HDLBP: variants seen among roughly 807,000 people sequenced by gnomAD.
The protein encoded by HDLBP is high density lipoprotein binding protein, also known as vigilin.
A neutral mutation model predicts 137.3 loss-of-function variants in HDLBP; 30 were observed. The observed-to-expected ratio is 0.22, with a 90% CI of 0.16 to 0.30. The LOEUF (loss-of-function observed/expected upper bound fraction) is 0.30. Ranked by LOEUF, HDLBP falls within the 10% of genes least tolerant of loss-of-function variation. The pLI is 1.00. For synonymous variants in HDLBP, 606 were observed against 596.0 expected (o/e 1.02, Z -0.24); for missense variants, 1,119 against 1,667.3 (o/e 0.67, Z 5.73).
intron 1 of HDLBP, among the ~76,000 whole-genome samples, chr2:241,298,536 A>C (rs1013861604): frequency 1.3e-5 from 2 of 152,192 alleles, no homozygotes; most frequent in Non-Finnish European, 2.9e-5. Context: ...TGACATAAAT[A>C]AGCAAATTGA....
rs540059420 is a variant in HDLBP at position 241,311,402 on chromosome 2, A to G, written c.-103+4168T>C. 2.0e-5 allele frequency among the ~76,000 whole-genome samples: 3 copies of G among 152,328 alleles called. No homozygotes were observed. The South Asian group carries it at 6.2e-4, about 32-fold the overall frequency. ...AGGCAACTAGTGAAGGATGTGCTCC[A>G]TCGAAGTGAGACAGTCAAATCAAGA... On this transcript the variant is annotated intron_variant, in intron 1 of 27. Coordinates refer to ENST00000310931, the MANE Select transcript of HDLBP (RefSeq NM_005336.6).
At chr2:241,261,585 T>C (rs1008154636) in intron 5 of HDLBP, among the ~76,000 whole-genome samples, 1 of 152,194 alleles carries the variant, frequency 6.6e-6, no homozygotes, top group East Asian at 1.9e-4. Flanking sequence ...CCCTACAGTG[T>C]TGATTACAAA....
intron 1 of HDLBP, among the ~76,000 whole-genome samples, chr2:241,281,227 G>A (rs1047005481): frequency 3.3e-5 from 5 of 152,276 alleles, no homozygotes; most frequent in African/African-American, 1.2e-4. Flanking sequence ...GGGGGTGCAT[G>A]CCTGTAATCC....
At position 241,242,676 on chromosome 2, in the gene HDLBP, G is replaced by C; in HGVS notation, c.1953C>G (p.Ala651=). 1 of 1,612,988 alleles carries C rather than the reference G, an allele frequency of 6.2e-7. No individual in the cohort carries two copies. Among genetic ancestry groups the C allele is most frequent in the Non-Finnish European group, 8.5e-7 (1 of 1,179,484 alleles). Residue 651 remains alanine (A), a splice_region_variant and synonymous_variant, in exon 17 of 28, where the codon GCC becomes GCG. Coordinates refer to ENST00000310931, the MANE Select transcript of HDLBP (RefSeq NM_005336.6). ...TGGAGACCTCTACCTCGGCTATGTTGGCCTGAAACCAAACACAGGGCAGGA... is the reference window on the plus strand; with the variant it reads ...TGGAGACCTCTACCTCGGCTATGTTCGCCTGAAACCAAACACAGGGCAGGA... ...SRILSIQKDL[A]NIAEVEVSIP...
chr2:241,307,411 G>A (rs1184059302), intron 1 of HDLBP, among the ~76,000 whole-genome samples: 2 of 152,202 alleles, frequency 1.3e-5, no homozygotes, highest in Non-Finnish European at 2.9e-5. Context: ...ATACAGCTAA[G>A]CCTCCTGAGA....
intron 11 of HDLBP, 38 bp from the exon 12 acceptor site, chr2:241,250,018 CCAA>C: frequency 6.4e-7 from 1 of 1,565,034 alleles, no homozygotes; most frequent in Non-Finnish European, 8.6e-7. Context: ...AGGACACAGA[CCAA>C]CAACATTCTG....
intron 4 of HDLBP, 53 bp from the exon 5 acceptor site, chr2:241,262,979 C>G: frequency 7.3e-7 from 1 of 1,368,600 alleles, no homozygotes; most frequent in Non-Finnish European, 1.0e-6. Context: ...AGAAGGCCAA[C>G]AGATAGGGAG....
chr2:241,272,327 G>T lies in HDLBP; in HGVS notation c.-102-3786C>A, dbSNP rs920348408. ...CACACGGCGCCCCCGCCGGAGCGGG[G>T]GAGGGGAGGGCCGGCCCCGCCAACG... is the stretch of plus-strand genomic sequence containing the variant. On this transcript the variant is annotated intron_variant, in intron 1 of 27. Coordinates refer to ENST00000310931, the MANE Select transcript of HDLBP (RefSeq NM_005336.6). This position sits in a 1 kb window ranked among gnomAD's most constrained non-coding sequence, Gnocchi z 5.6. The T allele has an allele frequency of 1.0e-6, 1 of 983,928 alleles. No individual in the cohort carries two copies. The highest frequency in any genetic ancestry group is 1.7e-5 in the African/African-American group (1 of 57,232). 60.9% of individuals were successfully genotyped at this position (983,928 alleles called of 1,614,324 possible). A position where few individuals can be genotyped will look rare whatever the true frequency, so the allele number is the denominator to read the frequency against.
chr2:241,267,308 G>A lies in HDLBP; in HGVS notation c.-37-402C>T, dbSNP rs560674062. ...CATGTTCAAAGCTGTCCTGGGCCTC[G>A]GGTTAGACAAGTTTGTCCTAGAACA... On this transcript the variant is annotated intron_variant, in intron 2 of 27. Transcript: ENST00000310931. 1.6e-4 allele frequency among the ~76,000 whole-genome samples: 24 copies of A among 152,228 alleles called. No individual in the cohort carries two copies. In the South Asian group the frequency reaches 4.1e-3, roughly 26 times the overall value.
At chr2:241,229,794 CCT>C in intron 27 of HDLBP, 37 bp downstream of exon 27, 1 of 1,560,472 alleles carries the variant, frequency 6.4e-7, no homozygotes, top group Non-Finnish European at 8.7e-7. Context: ...GCCCGCCCAC[CCT>C]CCCTGGGACC....
intron 9 of HDLBP, among the ~76,000 whole-genome samples, chr2:241,254,079 G>A (rs568093336): frequency 5.9e-5 from 9 of 152,212 alleles, no homozygotes; most frequent in African/African-American, 2.2e-4. Flanking sequence ...GATCCCACGA[G>A]TTCGAGATCA....
chr2:241,233,038 T>G lies in HDLBP; in HGVS notation c.3288+782A>C, dbSNP rs1019291525. ...AAAACCCTGGGCGGCACATCCACAG[T>G]GGGAGCGAGGGGCGTGGAGGGGCTC... On this transcript the variant is annotated intron_variant, in intron 24 of 27. Coordinates refer to ENST00000310931, the MANE Select transcript of HDLBP (RefSeq NM_005336.6). This position sits in a 1 kb window ranked among gnomAD's most constrained non-coding sequence, Gnocchi z 4.3. Among the ~76,000 whole-genome samples the G allele has an allele frequency of 4.6e-5, 7 of 151,390 alleles. No homozygotes were observed. The highest frequency in any genetic ancestry group is 1.7e-4 in the African/African-American group (7 of 41,132).
chr2:241,299,059 C>G (rs1004758679), intron 1 of HDLBP, among the ~76,000 whole-genome samples: 2 of 152,126 alleles, frequency 1.3e-5, no homozygotes, highest in Non-Finnish European at 2.9e-5. Context: ...GGTGTCTTGT[C>G]TATAAGTAAA....
rs1173317703 is a variant in HDLBP, at chr2:241,238,433, G to C, written c.2749+216C>G. 4 of 394,360 alleles carry C rather than the reference G, an allele frequency of 1.0e-5. No individual in the cohort carries two copies. Among genetic ancestry groups the C allele is most frequent in the Non-Finnish European group, 1.8e-5 (4 of 222,074 alleles). 24.4% of individuals were successfully genotyped at this position (394,360 alleles called of 1,614,324 possible). On this transcript the variant is annotated intron_variant, in intron 20 of 27. Coordinates refer to ENST00000310931, the MANE Select transcript of HDLBP (RefSeq NM_005336.6). This position sits in a 1 kb window ranked among gnomAD's most constrained non-coding sequence, Gnocchi z 4.9. The stretch of plus-strand genomic sequence containing the variant: ...GGACTGGCTACCTTGTGTGTCTCTA[G>C]GACCTATGAAGGTCACCTGGTCACT...
chr2:241,311,011 G>A (rs1241338333), intron 1 of HDLBP, among the ~76,000 whole-genome samples: 1 of 152,146 alleles, frequency 6.6e-6, no homozygotes, highest in East Asian at 1.9e-4. Context: ...GTACTTGGGA[G>A]GCCGAGGCAG....
intron 1 of HDLBP, among the ~76,000 whole-genome samples, chr2:241,297,418 A>T (rs2075219301): frequency 6.6e-6 from 1 of 152,254 alleles, no homozygotes; most frequent in Non-Finnish European, 1.5e-5. Flanking sequence ...ACCCTGTGCT[A>T]CTACATTGGA....
intron 17 of HDLBP, among the ~76,000 whole-genome samples, chr2:241,241,876 C>T (rs1166603564): frequency 1.3e-5 from 2 of 152,164 alleles, no homozygotes; most frequent in African/African-American, 4.8e-5. Context: ...GCTGTCAATC[C>T]TCGCCAGTCT....
intron 1 of HDLBP, among the ~76,000 whole-genome samples, chr2:241,281,563 G>T (rs2074605429): frequency 6.6e-6 from 1 of 152,112 alleles, no homozygotes; most frequent in Non-Finnish European, 1.5e-5. Context: ...AGGTCCAAAA[G>T]AATAAATTGA....
chr2:241,283,065 C>G (rs1157875099), intron 1 of HDLBP, among the ~76,000 whole-genome samples: 1 of 152,180 alleles, frequency 6.6e-6, no homozygotes, highest in East Asian at 1.9e-4. Flanking sequence ...AAGTGCTACT[C>G]CAGTGAACAC....
Sources: gnomAD v4.1 joint callset for allele counts (sites outside exome capture counted in the v4.1 genomes callset) on GRCh38, gnomAD v4.1.1 for gene constraint, Gnocchi (gnomAD v3.1) non-coding constraint, MANE v1.5 for transcripts, NCBI Gene and HGNC (gene_info 2026-07-23, HGNC 2026-07-21) for gene names.